Variants in DRD2 observed in about 807,000 individuals in gnomAD.
The protein encoded by DRD2 is dopamine receptor D2.
Under a neutral mutation model 38.0 loss-of-function variants are expected in DRD2, and 8 were observed. That is an observed-to-expected ratio of 0.21 (90% CI 0.12 to 0.38). The LOEUF (loss-of-function observed/expected upper bound fraction) is 0.38. DRD2 is among the 10% of genes least tolerant of loss of function. DRD2 has a pLI of 1.00. For missense variants in DRD2, 403 were observed against 607.7 expected, an observed-to-expected ratio of 0.66 and a Z score of 3.54; for synonymous variants, 230 against 238.6, an observed-to-expected ratio of 0.96 and a Z score of 0.33.
intron 1 of DRD2, among the ~76,000 whole-genome samples, chr11:113,450,834 A>G (rs896128205): frequency 2.6e-5 from 4 of 152,230 alleles, no homozygotes. Flanking sequence ...TATTTCTCCC[A>G]GCTTTCTCCA....
intron 1 of DRD2, among the ~76,000 whole-genome samples, chr11:113,460,346 C>T (rs569316343): frequency 1.3e-5 from 2 of 152,278 alleles, no homozygotes; most frequent in African/African-American, 2.4e-5. Context: ...GGAGGGAGGA[C>T]GTGGGGATAC....
At chr11:113,422,440 A>G (rs188281463) in intron 2 of DRD2, among the ~76,000 whole-genome samples, 1 of 152,282 alleles carries the variant, frequency 6.6e-6, no homozygotes, top group Admixed American at 6.5e-5. Flanking sequence ...TGTTTGCTCT[A>G]CCATTTTTCC....
In DRD2 at chr11:113,409,732, C is replaced by G. The variant is rs1950748492; in HGVS notation, c.*995G>C. 2 of 153,222 alleles carry G rather than the reference C, an allele frequency of 1.3e-5. No homozygotes were observed. Among genetic ancestry groups the G allele is most frequent in the African/African-American group, 4.8e-5 (2 of 41,456 alleles). The allele number at this position is 153,222 out of a possible 1,614,324, so 9.5% of individuals were successfully genotyped here. On this transcript the variant is annotated 3_prime_UTR_variant, in exon 8 of 8. Coordinates refer to ENST00000362072, the MANE Select transcript of DRD2 (RefSeq NM_000795.4). ...TTCCTCAGGGCAGGGCCAGGCCAGG[C>G]CAGATGGTTTTCAGCAGCCTCTTAG... is the stretch of plus-strand genomic sequence containing the variant.
intron 7 of DRD2, 139 bp downstream of exon 7, chr11:113,412,417 C>T (rs761401895): frequency 2.8e-5 from 29 of 1,026,678 alleles, no homozygotes; most frequent in Non-Finnish European, 3.8e-5. Flanking sequence ...CCTAATAGGG[C>T]TGTCTGTATG....
At chr11:113,473,531 G>A (rs1951448699) in intron 1 of DRD2, among the ~76,000 whole-genome samples, 1 of 152,188 alleles carries the variant, frequency 6.6e-6, no homozygotes, top group African/African-American at 2.4e-5. Context: ...AGGGAAGGTA[G>A]AAGGAACTCA....
intron 1 of DRD2, among the ~76,000 whole-genome samples, chr11:113,431,454 G>T (rs574571693): frequency 6.6e-6 from 1 of 152,326 alleles, no homozygotes; most frequent in East Asian, 1.9e-4. Context: ...GACTGCATTT[G>T]TGTGGTGACC....
chr11:113,461,087 C>T (rs1189468791), intron 1 of DRD2, among the ~76,000 whole-genome samples: 3 of 152,226 alleles, frequency 2.0e-5, no homozygotes, highest in African/African-American at 7.2e-5. Context: ...GCTCTGAAGG[C>T]TCAGACCTGC....
At chr11:113,415,335 C>T (rs904244813) in intron 5 of DRD2, 86 bp downstream of exon 5, 2 of 1,499,668 alleles carry the variant, frequency 1.3e-6, no homozygotes, top group African/African-American at 2.8e-5. Flanking sequence ...CTGAGGTTTC[C>T]CAAGCCCCCA....
intron 1 of DRD2, among the ~76,000 whole-genome samples, chr11:113,441,751 G>A (rs928562514): frequency 2.0e-5 from 3 of 152,124 alleles, no homozygotes; most frequent in African/African-American, 7.2e-5. Flanking sequence ...TCAGGAGGCC[G>A]AGGTGGAAGG....
chr11:113,435,862 A>G (rs1951031168), intron 1 of DRD2, among the ~76,000 whole-genome samples: 1 of 152,228 alleles, frequency 6.6e-6, no homozygotes. Flanking sequence ...CATGCTCTTG[A>G]AAGTCAATTG....
At chr11:113,452,463 TGTGTGTGCGCGCGCGCGC>T (rs931371861) in intron 1 of DRD2, among the ~76,000 whole-genome samples, 2 of 89,666 alleles carry the variant, frequency 2.2e-5, no homozygotes, top group Non-Finnish European at 5.1e-5. Context: ...TGTGTGTGTG[TGTGTGTGCGCGCGCGCGC>T]GCGCGCACAT....
chr11:113,422,707 G>A (rs1338719858), intron 2 of DRD2, among the ~76,000 whole-genome samples: 1 of 152,194 alleles, frequency 6.6e-6, no homozygotes, highest in African/African-American at 2.4e-5. Flanking sequence ...AAGCCAAGGG[G>A]TGATGGATCA....
chr11:113,417,074 G>C, intron 3 of DRD2, 75 bp from the exon 4 acceptor site: 1 of 1,569,980 alleles, frequency 6.4e-7, no homozygotes, highest in South Asian at 1.2e-5. Flanking sequence ...ACACACCAGA[G>C]ACACCCTCAC....
At position 113,418,103 on chromosome 11, in the gene DRD2, A is replaced by G; in HGVS notation, c.319T>C (p.Cys107Arg). 6.2e-7 allele frequency: 1 copy of G among 1,614,232 alleles called. No homozygotes were observed. The highest frequency in any genetic ancestry group is 8.5e-7 in the Non-Finnish European group (1 of 1,180,034). The change falls in exon 3 of 8, where the codon TGT (cysteine) becomes CGT (arginine). Residue 107 changes from cysteine (C) to arginine (R), a missense_variant. Transcript: ENST00000362072. ...VGEWKFSRIH[C>R]DIFVTLDVMM... ...ACGTCCAGAGTGACGAAGATGTCAC[A>G]GTGAATCCTGCTGAATTTCCACTCA...
At chr11:113,466,881 A>C (rs1951375185) in intron 1 of DRD2, among the ~76,000 whole-genome samples, 1 of 152,204 alleles carries the variant, frequency 6.6e-6, no homozygotes, top group Non-Finnish European at 1.5e-5. Flanking sequence ...GAAATGCACA[A>C]TTGAGAGATT....
chr11:113,420,328 G>A (rs1950873482), intron 2 of DRD2, among the ~76,000 whole-genome samples: 1 of 152,126 alleles, frequency 6.6e-6, no homozygotes. Context: ...CTGCCTTCAT[G>A]GACATCTTAA....
At position 113,412,745 on chromosome 11, in the gene DRD2, T is replaced by C; in HGVS notation, c.949A>G (p.Ser317Gly). 1 of 1,613,984 alleles carries C rather than the reference T, an allele frequency of 6.2e-7. No individual in the cohort carries two copies. Reference sequence around the variant, plus strand: ...GGTTTGGCGGGGCTGTCGGGAGTGCTGTGGAGACCATGGTGGGACGGGTCG... The same window carrying C: ...GGTTTGGCGGGGCTGTCGGGAGTGCCGTGGAGACCATGGTGGGACGGGTCG... The part of the protein sequence containing the change: ...LPDPSHHGLH[S>G]TPDSPAKPEK... The change falls in exon 7 of 8, where the codon AGC (serine) becomes GGC (glycine). Residue 317 changes from serine (S) to glycine (G), a missense_variant. By Grantham distance (56) the Ser-to-Gly change is moderately conservative. Coordinates refer to ENST00000362072, the MANE Select transcript of DRD2 (RefSeq NM_000795.4).
intron 6 of DRD2, 146 bp from the exon 7 acceptor site, chr11:113,413,029 A>C: frequency 1.1e-6 from 1 of 938,758 alleles, no homozygotes; most frequent in Non-Finnish European, 1.6e-6. Context: ...GATGTCACTG[A>C]GGCATGGGAC....
At chr11:113,456,396 G>C (rs980587610) in intron 1 of DRD2, among the ~76,000 whole-genome samples, 2 of 152,128 alleles carry the variant, frequency 1.3e-5, no homozygotes, top group African/African-American at 2.4e-5. Context: ...TTTCAAAATT[G>C]CTAAAAGAAT....
Sources: gnomAD v4.1 joint callset for allele counts (sites outside exome capture counted in the v4.1 genomes callset) on GRCh38, gnomAD v4.1.1 for gene constraint, MANE v1.5 for transcripts, NCBI Gene and HGNC (gene_info 2026-07-23, HGNC 2026-07-21) for gene names.